The following NUP93 variants were observed in gnomAD, a reference collection of about 807,000 sequenced individuals.
NUP93 encodes the protein nuclear pore complex protein Nup93.
NUP93 carries 55 observed loss-of-function variants against 107.8 expected under a neutral mutation model. The observed-to-expected ratio is 0.51, with a 90% CI of 0.41 to 0.64. The LOEUF (loss-of-function observed/expected upper bound fraction) is 0.64. Among genes scored for constraint, NUP93 ranks in the 30% least tolerant of loss-of-function variants. NUP93 has a pLI of 0.00. For synonymous variants in NUP93, 390 were observed against 397.5 expected, an observed-to-expected ratio of 0.98 and a Z score of 0.22; for missense variants, 937 against 1,044.7, an observed-to-expected ratio of 0.90 and a Z score of 1.42.
intron 3 of NUP93, among the ~76,000 whole-genome samples, chr16:56,773,245 T>A (rs1962354746): frequency 6.6e-6 from 1 of 152,252 alleles, no homozygotes; most frequent in South Asian, 2.1e-4. Context: ...TTGCGTTTCT[T>A]GTGTTTCGGA....
intron 20 of NUP93, among the ~76,000 whole-genome samples, chr16:56,840,811 C>T (rs972935265): frequency 2.0e-5 from 3 of 152,134 alleles, no homozygotes; most frequent in African/African-American, 4.8e-5. Context: ...GCCTGGCCAA[C>T]ATGGTAAAAT....
chr16:56,747,969 T>A (rs1961849372), intron 1 of NUP93: 1 of 237,134 alleles, frequency 4.2e-6, no homozygotes, highest in African/African-American at 2.2e-5. Context: ...TGACTTGATA[T>A]CTGTGCATTT....
At chr16:56,844,241 C>T (rs1328531588) in intron 21 of NUP93, among the ~76,000 whole-genome samples, 3 of 152,170 alleles carry the variant, frequency 2.0e-5, no homozygotes, top group Non-Finnish European at 4.4e-5. Flanking sequence ...GCCTGGCAAA[C>T]CCATCTGCTT....
chr16:56,823,726 C>A lies in NUP93; in HGVS notation c.674C>A (p.Thr225Asn). ...GTGCAGAGCATTTCCGACATGTGGACCATGGTAAAACAAATGACAGACGTG... is the reference window on the plus strand; with the variant it reads ...GTGCAGAGCATTTCCGACATGTGGAACATGGTAAAACAAATGACAGACGTG... The part of the protein sequence containing the change: ...LDDKSISDMW[T>N]MVKQMTDVLL... Residue 225 changes from threonine to asparagine, a missense_variant, in exon 8 of 22, where the codon ACC becomes AAC. Physicochemically the swap from Thr to Asn is moderately conservative, Grantham distance 65. Transcript: ENST00000308159. The A allele has an allele frequency of 6.2e-7, 1 of 1,614,094 alleles. No individual in the cohort carries two copies.
chr16:56,734,635 CAT>C (rs34274300), intron 1 of NUP93, among the ~76,000 whole-genome samples: 47,653 of 151,888 alleles, frequency 0.31, 7,848 homozygotes, highest in East Asian at 0.46. Context: ...AGATGTGACA[CAT>C]GAGAGTGGCT....
intron 4 of NUP93, among the ~76,000 whole-genome samples, chr16:56,803,142 T>C (rs554615327): frequency 1.3e-5 from 2 of 152,190 alleles, no homozygotes; most frequent in African/African-American, 2.4e-5. Context: ...TATGAAAGTT[T>C]AGTGTTTCTT....
In NUP93 at chr16:56,847,565, A is replaced by G. The variant is rs1964130829; in HGVS notation, c.*2956A>G. 1 of 152,232 alleles carries G rather than the reference A, an allele frequency of 6.6e-6. No homozygotes were observed. Among genetic ancestry groups the G allele is most frequent in the South Asian group, 2.1e-4 (1 of 4,828 alleles). 9.4% of individuals were successfully genotyped at this position (152,232 alleles called of 1,614,324 possible). A position where few individuals can be genotyped will look rare whatever the true frequency, so the allele number is the denominator to read the frequency against. ...AAACTCACTGAAACACTCAAAGGAA[A>G]GTACTGACTTGATCTGGATCCTTTT... is the stretch of plus-strand genomic sequence containing the variant. On this transcript the variant is annotated 3_prime_UTR_variant, in exon 22 of 22. Coordinates refer to ENST00000308159, the MANE Select transcript of NUP93 (RefSeq NM_014669.5).
chr16:56,738,151 T>G (rs1961642246), intron 1 of NUP93, among the ~76,000 whole-genome samples: 1 of 152,206 alleles, frequency 6.6e-6, no homozygotes, highest in Admixed American at 6.5e-5. Context: ...TTCTTTAAGG[T>G]GAGCAGGCCC....
intron 5 of NUP93, among the ~76,000 whole-genome samples, chr16:56,810,786 C>G (rs1006112935): frequency 2.0e-5 from 2 of 100,594 alleles, no homozygotes; most frequent in South Asian, 5.8e-4. Flanking sequence ...CCCAGAAATC[C>G]TCTTTGTGGT....
chr16:56,814,223 C>A (rs1377636838), intron 5 of NUP93, among the ~76,000 whole-genome samples: 1 of 152,088 alleles, frequency 6.6e-6, no homozygotes, highest in Non-Finnish European at 1.5e-5. Context: ...CTCTGTCACC[C>A]AGGTTGGAAT....
chr16:56,843,419 T>C (rs1474130301), intron 21 of NUP93, among the ~76,000 whole-genome samples: 2 of 152,198 alleles, frequency 1.3e-5, no homozygotes, highest in South Asian at 2.1e-4. Context: ...TGCCTTCCTT[T>C]TGCCCACCAC....
In NUP93 at chr16:56,834,651, TTCCCC is replaced by T. The variant is rs370066526; in HGVS notation, c.1738-80_1738-76del. 367 of 1,282,596 alleles carry T rather than the reference TTCCCC, an allele frequency of 2.9e-4. 1 individual carries two copies. In the African/African-American group the frequency reaches 4.9e-3, roughly 17 times the overall value. 79.5% of individuals were successfully genotyped at this position (1,282,596 alleles called of 1,614,324 possible). A position where few individuals can be genotyped will look rare whatever the true frequency, so the allele number is the denominator to read the frequency against. On this transcript the variant is annotated intron_variant, in intron 15 of 21. Transcript: ENST00000308159. ...GACTTATCCCATTCATCCCATTTGA[TTCCCC>T]TCTTTTTTCTCTGAAGACTTATGGA... is the stretch of plus-strand genomic sequence containing the variant.
At chr16:56,802,971 C>G (rs1474509494) in intron 4 of NUP93, among the ~76,000 whole-genome samples, 1 of 152,064 alleles carries the variant, frequency 6.6e-6, no homozygotes, top group Admixed American at 6.6e-5. Flanking sequence ...TCTCCCACCC[C>G]CTCCCCAGAC....
chr16:56,834,231 C>A lies in NUP93; in HGVS notation c.1641C>A (p.Ala547=). The change falls in exon 14 of 22, where the codon GCC becomes GCA. Residue 547 remains alanine, a synonymous_variant. Coordinates refer to ENST00000308159, the MANE Select transcript of NUP93 (RefSeq NM_014669.5). ...TTGAGTCCACGGACCCAAGGGAGGC[C>A]CTCCAGTACTTCTATTTCCTCAGGT... ...RKFESTDPRE[A]LQYFYFLRDE... 1.2e-6 allele frequency: 2 copies of A among 1,614,124 alleles called. No homozygotes were observed. Among genetic ancestry groups the A allele is most frequent in the Non-Finnish European group, 1.7e-6 (2 of 1,179,994 alleles).
At chr16:56,815,872 CTGCTGCTGCTGCTGCTGCTGCTGCTGG>C (rs1407246728) in intron 5 of NUP93, among the ~76,000 whole-genome samples, 20 of 141,854 alleles carry the variant, frequency 1.4e-4, no homozygotes, top group East Asian at 9.9e-4. Flanking sequence ...GCTACTGCTG[CTGCTGCTGCTGCTGCTGCTGCTGCTGG>C]TGCTGCTGCT....
chr16:56,763,857 A>G (rs1962172947), intron 3 of NUP93, among the ~76,000 whole-genome samples: 2 of 152,250 alleles, frequency 1.3e-5, no homozygotes, highest in South Asian at 2.1e-4. Flanking sequence ...CTTCTACCCA[A>G]AAGAAAAAAA....
At chr16:56,802,161 C>G (rs1963034651) in intron 4 of NUP93, among the ~76,000 whole-genome samples, 1 of 152,194 alleles carries the variant, frequency 6.6e-6, no homozygotes, top group Admixed American at 6.5e-5. Context: ...TGCCACCTGG[C>G]CCTCCATTTT....
At chr16:56,830,831 C>G (rs1355229679) in intron 10 of NUP93, 146 bp downstream of exon 10, 2 of 670,492 alleles carry the variant, frequency 3.0e-6, no homozygotes, top group Non-Finnish European at 4.6e-6. Flanking sequence ...AAATAGAACT[C>G]TCTTGGGAAT....
chr16:56,831,689 C>T lies in NUP93; in HGVS notation c.1086-153C>T, dbSNP rs771905798. ...GCAAGTCAGGTTAAAGCGATGGTAC[C>T]GAGGGGAGGGGATGGGGCAGAGACA... On this transcript the variant is annotated intron_variant, in intron 10 of 21. Coordinates refer to ENST00000308159, the MANE Select transcript of NUP93 (RefSeq NM_014669.5). 11 of 703,526 alleles carry T rather than the reference C, an allele frequency of 1.6e-5. No homozygotes were observed. In the Admixed American group the frequency reaches 1.8e-4, roughly 11 times the overall value. 43.6% of individuals were successfully genotyped at this position (703,526 alleles called of 1,614,324 possible).
Sources: gnomAD v4.1 joint callset for allele counts (sites outside exome capture counted in the v4.1 genomes callset) on GRCh38, gnomAD v4.1.1 for gene constraint, MANE v1.5 for transcripts, NCBI Gene and HGNC (gene_info 2026-07-23, HGNC 2026-07-21) for gene names.